Variants in PLXDC2 observed in about 807,000 individuals in gnomAD.
The protein encoded by PLXDC2 is plexin domain containing 2.
In PLXDC2, 40 loss-of-function variants were observed where a neutral mutation model predicts 68.9. The ratio of observed to expected loss-of-function variants is 0.58; its 90% CI spans 0.45 to 0.76. The LOEUF (loss-of-function observed/expected upper bound fraction) is 0.76. Ranked by LOEUF, PLXDC2 falls within the 30% of genes least tolerant of loss-of-function variation. The probability of loss-of-function intolerance (pLI) is 0.00; values close to 1 mark genes in which losing one functional copy is unlikely to be tolerated. For missense variants in PLXDC2, 644 were observed against 661.9 expected, an observed-to-expected ratio of 0.97 and a Z score of 0.30; for synonymous variants, 243 against 234.2, an observed-to-expected ratio of 1.04 and a Z score of -0.34.
At chr10:20,209,342 C>T (rs1835036305) in intron 9 of PLXDC2, among the ~76,000 whole-genome samples, 3 of 151,694 alleles carry the variant, frequency 2.0e-5, no homozygotes, top group African/African-American at 7.3e-5. Context: ...ACAATGAGAA[C>T]CTGTGGACAC....
chr10:19,823,511 G>A (rs552789370), intron 1 of PLXDC2, among the ~76,000 whole-genome samples: 3 of 151,490 alleles, frequency 2.0e-5, no homozygotes, highest in East Asian at 2.0e-4. Flanking sequence ...GTGAAACCCC[G>A]TCTTCCCTAA....
At chr10:19,837,397 AGAGAGAGAGAGAGTGT>A (rs1272044699) in intron 1 of PLXDC2, among the ~76,000 whole-genome samples, 29 of 66,170 alleles carry the variant, frequency 4.4e-4, no homozygotes, top group Middle Eastern at 6.3e-3. Context: ...AGAGAGAGAG[AGAGAGAGAGAGAGTGT>A]GTGTGTGTGT....
At chr10:20,190,656 C>T (rs1318974382) in intron 9 of PLXDC2, among the ~76,000 whole-genome samples, 3 of 151,182 alleles carry the variant, frequency 2.0e-5, no homozygotes, top group Non-Finnish European at 4.4e-5. Flanking sequence ...ATTACATTAA[C>T]AGTTTTCTAT....
intron 2 of PLXDC2, among the ~76,000 whole-genome samples, chr10:20,016,469 C>T (rs984877409): frequency 2.6e-5 from 4 of 152,212 alleles, no homozygotes; most frequent in Non-Finnish European, 4.4e-5. Context: ...GTGATTATAG[C>T]TTCGCCACTG....
intron 1 of PLXDC2, among the ~76,000 whole-genome samples, chr10:19,940,818 A>G (rs1383111670): frequency 6.6e-6 from 1 of 152,140 alleles, no homozygotes; most frequent in Non-Finnish European, 1.5e-5. Flanking sequence ...TTCTAATTGT[A>G]CTTGTAAATG....
At position 20,213,662 on chromosome 10, in the gene PLXDC2, A is replaced by G. The variant is rs75520749; in HGVS notation, c.1122+1933A>G. On this transcript the variant is annotated intron_variant, in intron 10 of 13. Transcript: ENST00000377252. ...GCTTTTAAAATTTACCTTTTTTACT[A>G]TTGACTTCTAGACTAATTGAGTCAT... 6.8e-3 allele frequency among the ~76,000 whole-genome samples: 1,037 copies of G among 152,192 alleles called. 8 individuals carry two copies. The highest frequency in any genetic ancestry group is 0.021 in the African/African-American group (890 of 41,560).
chr10:19,972,617 G>T (rs1001656620), intron 1 of PLXDC2, among the ~76,000 whole-genome samples: 2 of 151,918 alleles, frequency 1.3e-5, no homozygotes, highest in Non-Finnish European at 2.9e-5. Context: ...AAACAAACCT[G>T]CACACACATC....
At chr10:20,152,217 A>G (rs1834161848) in intron 6 of PLXDC2, among the ~76,000 whole-genome samples, 1 of 152,172 alleles carries the variant, frequency 6.6e-6, no homozygotes, top group Non-Finnish European at 1.5e-5. Context: ...TTAGAGTTAT[A>G]ACAATCTTGC....
At chr10:20,124,618 G>A (rs1321794104) in intron 4 of PLXDC2, among the ~76,000 whole-genome samples, 2 of 152,010 alleles carry the variant, frequency 1.3e-5, no homozygotes, top group Admixed American at 1.3e-4. Flanking sequence ...CAGGCGGGCT[G>A]AGTCCGAAAA....
chr10:20,015,244 C>T (rs1048406667), intron 2 of PLXDC2, among the ~76,000 whole-genome samples: 10 of 152,144 alleles, frequency 6.6e-5, no homozygotes, highest in African/African-American at 1.9e-4. Context: ...CTTGGCATTG[C>T]CAGCAGTGCT....
At chr10:19,847,145 T>A (rs1486609458) in intron 1 of PLXDC2, among the ~76,000 whole-genome samples, 2 of 152,094 alleles carry the variant, frequency 1.3e-5, no homozygotes, top group Non-Finnish European at 2.9e-5. Context: ...ACCACAACAC[T>A]TCCCCCAAAA....
chr10:19,832,525 T>C (rs1299413251), intron 1 of PLXDC2, among the ~76,000 whole-genome samples: 1 of 152,280 alleles, frequency 6.6e-6, no homozygotes, highest in Admixed American at 6.5e-5. Context: ...TGACATTTCA[T>C]GATATAATTT....
intron 2 of PLXDC2, among the ~76,000 whole-genome samples, chr10:20,018,065 A>G (rs1022844903): frequency 1.3e-5 from 2 of 152,206 alleles, no homozygotes; most frequent in South Asian, 4.1e-4. Flanking sequence ...GAACGCTTAC[A>G]TATTGGCTAT....
intron 7 of PLXDC2, among the ~76,000 whole-genome samples, chr10:20,172,248 A>G (rs914932383): frequency 3.2e-4 from 48 of 150,488 alleles, no homozygotes; most frequent in African/African-American, 8.9e-4. Context: ...AAAAAAAAAA[A>G]AGAGAGAGAG....
intron 3 of PLXDC2, among the ~76,000 whole-genome samples, chr10:20,066,519 A>G (rs959152246): frequency 5.9e-5 from 9 of 152,306 alleles, no homozygotes; most frequent in Admixed American, 3.9e-4. Flanking sequence ...TATTCCTTAC[A>G]TCTTTGAGAT....
At chr10:19,871,842 C>T (rs10082539) in intron 1 of PLXDC2, among the ~76,000 whole-genome samples, 7 of 148,792 alleles carry the variant, frequency 4.7e-5, no homozygotes, top group South Asian at 2.1e-4. Flanking sequence ...GCCAAGATCA[C>T]GCCACCGCAC....
At chr10:20,089,169 C>CGTGTGT (rs34167804) in intron 4 of PLXDC2, among the ~76,000 whole-genome samples, 229 of 142,690 alleles carry the variant, frequency 1.6e-3, no homozygotes, top group East Asian at 7.9e-3. Flanking sequence ...CCTGTATATA[C>CGTGTGT]GTGTGTGTGT....
chr10:19,905,030 G>A (rs1037220469), intron 1 of PLXDC2, among the ~76,000 whole-genome samples: 5 of 152,072 alleles, frequency 3.3e-5, no homozygotes, highest in South Asian at 2.1e-4. Flanking sequence ...TTGACCCACC[G>A]CATATGCACA....
intron 4 of PLXDC2, among the ~76,000 whole-genome samples, chr10:20,087,466 C>A (rs1249634984): frequency 1.3e-5 from 2 of 152,192 alleles, no homozygotes; most frequent in Non-Finnish European, 2.9e-5. Context: ...CATTTGCCTT[C>A]CACGGAGAGT....
Sources: gnomAD v4.1 joint callset for allele counts (sites outside exome capture counted in the v4.1 genomes callset) on GRCh38, gnomAD v4.1.1 for gene constraint, MANE v1.5 for transcripts, NCBI Gene and HGNC (gene_info 2026-07-23, HGNC 2026-07-21) for gene names.